TCF3: variants seen among roughly 807,000 people sequenced by gnomAD.
TCF3 encodes transcription factor 3, also known as transcription factor E2-alpha.
TCF3 carries 54 observed loss-of-function variants against 72.3 expected under a neutral mutation model. That is an observed-to-expected ratio of 0.75 (90% CI 0.60 to 0.94). TCF3 has a LOEUF of 0.94. Ranked by LOEUF, TCF3 falls within the 40% of genes least tolerant of loss-of-function variation. TCF3 has a pLI of 0.00. For synonymous variants in TCF3, 525 were observed against 412.6 expected (o/e 1.27, Z -3.30); for missense variants, 1,078 against 934.4 (o/e 1.15, Z -2.00).
chr19:1,632,200 C>G, intron 4 of TCF3, 84 bp from the exon 5 acceptor site: 1 of 1,555,180 alleles, frequency 6.4e-7, no homozygotes, highest in Non-Finnish European at 8.7e-7. Context: ...AGAGGCAGGA[C>G]TCAAACCCAT....
At chr19:1,627,707 C>A (rs2063071734) in intron 5 of TCF3, among the ~76,000 whole-genome samples, 1 of 151,840 alleles carries the variant, frequency 6.6e-6, no homozygotes, top group Non-Finnish European at 1.5e-5. Flanking sequence ...GGGGCCAACT[C>A]TGAGCATCTG....
rs1392221642 is a variant in TCF3 at position 1,614,533 on chromosome 19, G to A, written c.1822+752C>T. ...GGGGGCGCGAGGCGTGCCACACACG[G>A]CTGCAGAGACTCGGAAACCTTAGAG... On this transcript the variant is annotated intron_variant, in intron 18 of 18. Coordinates refer to ENST00000262965, the MANE Select transcript of TCF3 (RefSeq NM_003200.5). This position sits in a 1 kb window ranked among gnomAD's most constrained non-coding sequence, Gnocchi z 5.6. Among the ~76,000 whole-genome samples, 1 of 152,172 alleles carries A rather than the reference G, an allele frequency of 6.6e-6. No homozygotes were observed. The highest frequency in any genetic ancestry group is 1.5e-5 in the Non-Finnish European group (1 of 68,016).
chr19:1,651,428 T>G (rs1197552279), intron 1 of TCF3: 1 of 225,884 alleles, frequency 4.4e-6, no homozygotes. Context: ...TTTTTCTTTT[T>G]TGGAGGGCGT....
chr19:1,646,075 G>C (rs1230480442), intron 3 of TCF3, among the ~76,000 whole-genome samples: 2 of 152,016 alleles, frequency 1.3e-5, no homozygotes, highest in Non-Finnish European at 2.9e-5. Context: ...CCAACCCTGC[G>C]CCTAAAAACA....
intron 12 of TCF3, 21 bp downstream of exon 12, chr19:1,621,112 C>A (rs1448840416): frequency 6.5e-7 from 1 of 1,527,678 alleles, no homozygotes; most frequent in Admixed American, 2.0e-5. Context: ...GCCTGGCCAC[C>A]CCCCATGCCC....
chr19:1,643,564 G>A (rs1430655329), intron 3 of TCF3, among the ~76,000 whole-genome samples: 1 of 151,952 alleles, frequency 6.6e-6, no homozygotes, highest in Non-Finnish European at 1.5e-5. Flanking sequence ...CACCCAGGCT[G>A]GAGCGCAGTG....
At chr19:1,643,852 C>T (rs908174665) in intron 3 of TCF3, among the ~76,000 whole-genome samples, 6 of 152,200 alleles carry the variant, frequency 3.9e-5, no homozygotes, top group African/African-American at 1.4e-4. Context: ...TTAAGAAAAG[C>T]GAGGTGACTT....
intron 7 of TCF3, among the ~76,000 whole-genome samples, chr19:1,625,184 C>T (rs919663307): frequency 4.6e-5 from 7 of 152,364 alleles, no homozygotes; most frequent in African/African-American, 1.4e-4. Flanking sequence ...TAGTTCAAGG[C>T]GCCGTCCAGT....
At chr19:1,646,542 C>T (rs767226655) in intron 2 of TCF3, 115 bp from the exon 3 acceptor site, 43 of 918,456 alleles carry the variant, frequency 4.7e-5, no homozygotes, top group East Asian at 3.7e-4. Flanking sequence ...CCTGAGACTG[C>T]GCTCCATCTA....
intron 2 of TCF3, among the ~76,000 whole-genome samples, chr19:1,646,980 A>G (rs2066212476): frequency 6.6e-6 from 1 of 152,062 alleles, no homozygotes; most frequent in African/African-American, 2.4e-5. Context: ...GTGTCCCCCT[A>G]CCAGGGCTGG....
intron 3 of TCF3, among the ~76,000 whole-genome samples, chr19:1,640,149 A>T (rs919677314): frequency 6.6e-6 from 1 of 152,196 alleles, no homozygotes; most frequent in Admixed American, 6.5e-5. Context: ...AACGTTATCA[A>T]AGAGCCGAAC....
chr19:1,624,320 C>T (rs1026176059), intron 7 of TCF3, among the ~76,000 whole-genome samples: 56 of 152,162 alleles, frequency 3.7e-4, no homozygotes, highest in African/African-American at 1.2e-3. Context: ...CACTTGAACC[C>T]GGGAGGCAGA....
chr19:1,627,310 A>G (rs371102935), intron 6 of TCF3, 49 bp downstream of exon 6: 3 of 1,509,964 alleles, frequency 2.0e-6, no homozygotes, highest in East Asian at 4.7e-5. Context: ...GGTGGGTGAC[A>G]GATTTGTTTA....
At chr19:1,612,079 T>C (rs1163853701) in intron 18 of TCF3, 1 of 997,232 alleles carries the variant, frequency 1.0e-6, no homozygotes, top group Non-Finnish European at 1.4e-6. Context: ...CATCACTGGG[T>C]CTGAGTCCAG....
rs1002560288 is a variant in TCF3 at position 1,647,157 on chromosome 19, C to T, written c.73-730G>A. Among the ~76,000 whole-genome samples the T allele has an allele frequency of 8.5e-5, 13 of 152,312 alleles. No individual in the cohort carries two copies. In the East Asian group the frequency reaches 2.5e-3, roughly 29 times the overall value. ...GTGCTAGGGGTGTGGGACTGCCACC[C>T]TCCCTCCCGCCCGGCTCACCCGTAC... On this transcript the variant is annotated intron_variant, in intron 2 of 18. Transcript: ENST00000262965.
At chr19:1,645,199 A>AT (rs2065905760) in intron 3 of TCF3, among the ~76,000 whole-genome samples, 1 of 151,964 alleles carries the variant, frequency 6.6e-6, no homozygotes, top group Non-Finnish European at 1.5e-5. Flanking sequence ...GATTCTGGAG[A>AT]TAACTGCAGG....
At chr19:1,622,436 G>T (rs781779883) in intron 8 of TCF3, 21 bp from the exon 9 acceptor site, 4 of 1,281,940 alleles carry the variant, frequency 3.1e-6, no homozygotes, top group Non-Finnish European at 2.1e-6. Context: ...GTGGGCGGTG[G>T]GGGGTGCAGT....
intron 8 of TCF3, among the ~76,000 whole-genome samples, chr19:1,623,150 TGAG>T (rs2062454167): frequency 6.6e-6 from 1 of 150,554 alleles, no homozygotes. Context: ...GCTGGAGGGG[TGAG>T]GAGATGTATG....
chr19:1,621,726 G>A (rs1027599382), intron 11 of TCF3, 112 bp downstream of exon 11: 15 of 1,371,430 alleles, frequency 1.1e-5, no homozygotes, highest in Middle Eastern at 2.6e-4. Flanking sequence ...CCCGCTCTCA[G>A]GGCCAGCAGA....
Sources: allele counts gnomAD v4.1 joint callset (sites outside exome capture counted in the v4.1 genomes callset), GRCh38; gene constraint gnomAD v4.1.1; non-coding constraint Gnocchi (gnomAD v3.1); transcripts MANE v1.5; gene names NCBI Gene and HGNC (gene_info 2026-07-23, HGNC 2026-07-21).